The following TMEM117 variants were observed in gnomAD, a reference collection of about 807,000 sequenced individuals.
TMEM117 encodes the protein transmembrane protein 117.
TMEM117 carries 27 observed loss-of-function variants against 52.4 expected under a neutral mutation model. The observed-to-expected ratio is 0.51, with a 90% confidence interval of 0.38 to 0.71. The LOEUF (loss-of-function observed/expected upper bound fraction) is 0.71. Among genes scored for constraint, TMEM117 ranks in the 30% least tolerant of loss-of-function variants. The probability of loss-of-function intolerance (pLI) is 0.00; values close to 1 mark genes in which losing one functional copy is unlikely to be tolerated. For synonymous variants in TMEM117, 215 were observed against 206.3 expected (o/e 1.04, Z -0.36); for missense variants, 556 against 630.5 (o/e 0.88, Z 1.26).
intron 6 of TMEM117, among the ~76,000 whole-genome samples, chr12:44,332,199 TA>T (rs1399531152): frequency 2.6e-5 from 4 of 152,064 alleles, no homozygotes; most frequent in Non-Finnish European, 5.9e-5. Flanking sequence ...CCCATATCTA[TA>T]AAATGGGGGT....
intron 5 of TMEM117, among the ~76,000 whole-genome samples, chr12:44,243,393 A>G (rs1950088262): frequency 6.6e-6 from 1 of 151,932 alleles, no homozygotes; most frequent in African/African-American, 2.4e-5. Flanking sequence ...TATACCTGAG[A>G]GTTTACACAC....
the TMEM117 span, among the ~76,000 whole-genome samples, chr12:43,812,289 G>A: frequency 2.6e-5 from 4 of 152,114 alleles, no homozygotes; most frequent in Admixed American, 2.0e-4. Context: ...GAAAACCCTC[G>A]GGAACAATTT....
intron 6 of TMEM117, among the ~76,000 whole-genome samples, chr12:44,312,951 A>G (rs1460143159): frequency 6.6e-6 from 1 of 152,026 alleles, no homozygotes; most frequent in African/African-American, 2.4e-5. Flanking sequence ...CCACTTTTAG[A>G]TGAGATTATA....
At chr12:44,105,167 G>T (rs1388158540) in intron 3 of TMEM117, among the ~76,000 whole-genome samples, 2 of 151,176 alleles carry the variant, frequency 1.3e-5, no homozygotes, top group African/African-American at 2.4e-5. Context: ...TTTTTTTTCA[G>T]TCTTTTTTCC....
At chr12:43,800,746 A>G in the TMEM117 span, among the ~76,000 whole-genome samples, 1 of 152,086 alleles carries the variant, frequency 6.6e-6, no homozygotes, top group Non-Finnish European at 1.5e-5. Flanking sequence ...TTCAATTTAC[A>G]ATGTCACTTT....
At chr12:44,152,199 A>G (rs1948742933) in intron 4 of TMEM117, among the ~76,000 whole-genome samples, 1 of 109,460 alleles carries the variant, frequency 9.1e-6, no homozygotes, top group Admixed American at 1.2e-4. Flanking sequence ...ATATATAAAT[A>G]TAATTATATT....
chr12:43,866,553 T>C (rs1943603379), intron 2 of TMEM117, among the ~76,000 whole-genome samples: 1 of 151,492 alleles, frequency 6.6e-6, no homozygotes, highest in African/African-American at 2.4e-5. Flanking sequence ...CCAGCCTGGG[T>C]GACAGAGCAA....
intron 4 of TMEM117, 96 bp downstream of exon 4, chr12:44,143,720 A>G (rs974012465): frequency 1.2e-6 from 1 of 817,394 alleles, no homozygotes; most frequent in African/African-American, 1.7e-5. Context: ...AGAGTAAAAT[A>G]ATTACCTCTC....
intron 2 of TMEM117, among the ~76,000 whole-genome samples, chr12:43,895,957 C>T (rs980468560): frequency 3.3e-5 from 5 of 152,116 alleles, no homozygotes; most frequent in Admixed American, 6.6e-5. Context: ...TCATTTTCTC[C>T]TGCCTGCTTT....
chr12:43,972,055 G>A (rs1011725893), intron 3 of TMEM117, among the ~76,000 whole-genome samples: 2 of 152,148 alleles, frequency 1.3e-5, no homozygotes, highest in Admixed American at 6.5e-5. Flanking sequence ...AGCCCTTGGA[G>A]GAACAGGGCC....
Position 44,222,012 on chromosome 12 carries a change from C to G in TMEM117, c.608+10625C>G, listed in dbSNP as rs576358633. Among the ~76,000 whole-genome samples, 13 of 152,174 alleles carry G rather than the reference C, an allele frequency of 8.5e-5. No individual in the cohort carries two copies. The East Asian group carries it at 2.3e-3, about 27-fold the overall frequency. ...CCATGCCTGGCTGATCTCCCTCTTT[C>G]ACTCCATCTTCTTGACTTCTTTACC... On this transcript the variant is annotated intron_variant, in intron 5 of 7. Coordinates refer to ENST00000266534, the MANE Select transcript of TMEM117 (RefSeq NM_032256.3).
intron 4 of TMEM117, among the ~76,000 whole-genome samples, chr12:44,156,185 C>T (rs1948823272): frequency 6.6e-6 from 1 of 152,058 alleles, no homozygotes; most frequent in Non-Finnish European, 1.5e-5. Context: ...CCCTTACCAG[C>T]ATGGATTCAG....
intron 2 of TMEM117, among the ~76,000 whole-genome samples, chr12:43,905,667 T>G (rs898586594): frequency 6.6e-6 from 1 of 152,204 alleles, no homozygotes; most frequent in Non-Finnish European, 1.5e-5. Flanking sequence ...GGAGACTTAT[T>G]TGCTCATTTA....
intron 5 of TMEM117, among the ~76,000 whole-genome samples, chr12:44,272,648 A>G (rs996985783): frequency 6.6e-6 from 1 of 152,242 alleles, no homozygotes; most frequent in African/African-American, 2.4e-5. Flanking sequence ...CATCAGAGAA[A>G]TGCAAATCAA....
intron 4 of TMEM117, among the ~76,000 whole-genome samples, chr12:44,184,425 A>G (rs1423842108): frequency 2.0e-5 from 3 of 152,176 alleles, no homozygotes; most frequent in Non-Finnish European, 4.4e-5. Context: ...AAGCCCTGAA[A>G]TGCAGCAGAA....
At chr12:43,808,812 GAAAAAAA>G in the TMEM117 span, among the ~76,000 whole-genome samples, 1 of 80,820 alleles carries the variant, frequency 1.2e-5, no homozygotes, top group Non-Finnish European at 2.4e-5. Flanking sequence ...TCAAAGGGGA[GAAAAAAA>G]AAAAAAAAAA....
intron 4 of TMEM117, among the ~76,000 whole-genome samples, chr12:44,144,289 A>G (rs1463884579): frequency 6.6e-6 from 1 of 152,226 alleles, no homozygotes; most frequent in African/African-American, 2.4e-5. Context: ...TAAAGATAGC[A>G]TGTTGCTAGA....
chr12:44,158,796 T>C (rs1013353325), intron 4 of TMEM117, among the ~76,000 whole-genome samples: 2 of 152,130 alleles, frequency 1.3e-5, no homozygotes, highest in African/African-American at 4.8e-5. Context: ...AAAAGTCAAT[T>C]ACAAAGATTT....
At chr12:44,278,369 C>T (rs1098571) in intron 5 of TMEM117, among the ~76,000 whole-genome samples, 150,888 of 152,344 alleles carry the variant, frequency 0.99, 74,734 homozygotes, top group East Asian at 1. Flanking sequence ...ATCTGTCTTA[C>T]AGTCTTCTAT....
Sources: allele counts gnomAD v4.1 joint callset (sites outside exome capture counted in the v4.1 genomes callset), GRCh38; gene constraint gnomAD v4.1.1; transcripts MANE v1.5; gene names NCBI Gene and HGNC (gene_info 2026-07-23, HGNC 2026-07-21).